PCSK6: variants seen among roughly 807,000 people sequenced by gnomAD.
PCSK6 encodes paired basic amino acid cleaving enzyme 4.
PCSK6 carries 85 observed loss-of-function variants against 123.3 expected under a neutral mutation model. That is an observed-to-expected ratio of 0.69 (90% CI 0.58 to 0.83). The LOEUF (loss-of-function observed/expected upper bound fraction) is 0.83. Ranked by LOEUF, PCSK6 falls within the 40% of genes least tolerant of loss-of-function variation. PCSK6 has a pLI of 0.00. For missense variants in PCSK6, 1,191 were observed against 1,282.3 expected, an observed-to-expected ratio of 0.93 and a Z score of 1.09; for synonymous variants, 508 against 516.0, an observed-to-expected ratio of 0.98 and a Z score of 0.21.
chr15:101,403,491 G>A (rs1272936376), intron 6 of PCSK6, among the ~76,000 whole-genome samples: 1 of 151,236 alleles, frequency 6.6e-6, no homozygotes, highest in Non-Finnish European at 1.5e-5. Context: ...TTTTCTTTTT[G>A]TTTTCTAAAA....
chr15:101,331,581 T>A, intron 15 of PCSK6, 70 bp downstream of exon 15: 1 of 1,428,626 alleles, frequency 7.0e-7, no homozygotes, highest in Admixed American at 1.8e-5. Flanking sequence ...CCCATTCTGG[T>A]TGGGCATATA....
chr15:101,479,433 G>C (rs916834489), intron 1 of PCSK6, among the ~76,000 whole-genome samples: 2 of 152,212 alleles, frequency 1.3e-5, no homozygotes, highest in African/African-American at 4.8e-5. Flanking sequence ...GAAATGGCCT[G>C]GAAGGGAGGC....
intron 11 of PCSK6, among the ~76,000 whole-genome samples, chr15:101,373,081 G>GA (rs71287806): frequency 0.081 from 12,160 of 149,564 alleles, 559 homozygotes; most frequent in East Asian, 0.23. Context: ...CGAACACCTA[G>GA]AAAAAAAAAA....
intron 13 of PCSK6, among the ~76,000 whole-genome samples, chr15:101,339,136 T>C (rs904504794): frequency 1.3e-4 from 20 of 152,242 alleles, no homozygotes; most frequent in Admixed American, 1.2e-3. Flanking sequence ...AAATTTACAA[T>C]TGGAGACAAA....
At chr15:101,342,021 T>C (rs1294545402) in intron 13 of PCSK6, among the ~76,000 whole-genome samples, 1 of 149,908 alleles carries the variant, frequency 6.7e-6, no homozygotes, top group Admixed American at 6.7e-5. Flanking sequence ...TCCCAGCTAC[T>C]TGGGAGGCTG....
intron 18 of PCSK6, among the ~76,000 whole-genome samples, chr15:101,320,084 T>C (rs541649247): frequency 2.0e-5 from 3 of 150,898 alleles, no homozygotes; most frequent in Non-Finnish European, 4.5e-5. Context: ...TATTTATTTA[T>C]TTATTATTTA....
At chr15:101,392,401 G>A (rs1210894978) in intron 8 of PCSK6, among the ~76,000 whole-genome samples, 1 of 152,206 alleles carries the variant, frequency 6.6e-6, no homozygotes, top group African/African-American at 2.4e-5. Flanking sequence ...ACAGAAAAGT[G>A]TAAAAATAAA....
At chr15:101,319,492 T>C (rs2040068171) in intron 18 of PCSK6, among the ~76,000 whole-genome samples, 1 of 152,250 alleles carries the variant, frequency 6.6e-6, no homozygotes, top group South Asian at 2.1e-4. Context: ...ATGTCTTTAA[T>C]AACTGATAGC....
intron 1 of PCSK6, among the ~76,000 whole-genome samples, chr15:101,473,854 G>A (rs192418907): frequency 4.6e-5 from 7 of 152,126 alleles, no homozygotes; most frequent in Non-Finnish European, 7.4e-5. Flanking sequence ...CACCCTGAGT[G>A]ACAGAGTGAG....
rs140570265 is a variant in PCSK6 at position 101,424,137 on chromosome 15, G to A, written c.823+3755C>T. ...GCAGTCCCAGATACTTGGGAGGCTC[G>A]GGTGGGAGGATCACTTGAGGCCAGG... On this transcript the variant is annotated intron_variant, in intron 6 of 21. Transcript: ENST00000611716. Among the ~76,000 whole-genome samples, 267 of 151,610 alleles carry A rather than the reference G, an allele frequency of 1.8e-3. 1 individual carries two copies. The highest frequency in any genetic ancestry group is 5.8e-3 in the African/African-American group (239 of 41,330).
At position 101,331,865 on chromosome 15, in the gene PCSK6, C is replaced by T. The variant is rs936191740; in HGVS notation, c.2025G>A (p.Glu675=). The T allele has an allele frequency of 6.2e-7, 1 of 1,612,712 alleles. No homozygotes were observed. The highest frequency in any genetic ancestry group is 8.5e-7 in the Non-Finnish European group (1 of 1,179,136). Residue 675 remains glutamate, a synonymous_variant, in exon 14 of 22, where the codon GAG becomes GAA. Coordinates refer to ENST00000611716, the MANE Select transcript of PCSK6 (RefSeq NM_002570.5). ...SPSQVEVPED[E]EDYTAQSTPG... ...CAGGCTCATTACCTGTGTAATCTTC[C>T]TCATCTTCAGGAACTTCCACCTGGG...
intron 13 of PCSK6, among the ~76,000 whole-genome samples, chr15:101,357,048 G>C (rs1471476389): frequency 1.3e-5 from 2 of 152,178 alleles, no homozygotes; most frequent in African/African-American, 2.4e-5. Flanking sequence ...CTTTTACACA[G>C]AACACCATTG....
At chr15:101,476,586 T>C (rs905826201) in intron 1 of PCSK6, among the ~76,000 whole-genome samples, 1 of 149,320 alleles carries the variant, frequency 6.7e-6, no homozygotes, top group African/African-American at 2.5e-5. Flanking sequence ...ACAACAAAAA[T>C]TCTTTTTGTG....
At chr15:101,444,986 C>T (rs578004864) in intron 1 of PCSK6, among the ~76,000 whole-genome samples, 86 of 152,348 alleles carry the variant, frequency 5.6e-4, no homozygotes, top group African/African-American at 2.0e-3. Context: ...TTGCTGTCTC[C>T]TGTTCGTGGG....
At chr15:101,352,648 G>A (rs2040925429) in intron 13 of PCSK6, among the ~76,000 whole-genome samples, 1 of 152,124 alleles carries the variant, frequency 6.6e-6, no homozygotes, top group South Asian at 2.1e-4. Context: ...GTCTATTCCA[G>A]CACCAGTGCC....
At chr15:101,362,861 C>T (rs2041274409) in intron 13 of PCSK6, among the ~76,000 whole-genome samples, 1 of 152,232 alleles carries the variant, frequency 6.6e-6, no homozygotes, top group South Asian at 2.1e-4. Context: ...CCCTGTGGTC[C>T]CCAGAGAGGG....
chr15:101,342,129 CAAA>C (rs35083182), intron 13 of PCSK6, among the ~76,000 whole-genome samples: 133 of 51,506 alleles, frequency 2.6e-3, no homozygotes, highest in East Asian at 0.025. Flanking sequence ...GACCCTGTCT[CAAA>C]AAAAAAAAAA....
chr15:101,401,714 C>T (rs563860095), intron 6 of PCSK6, among the ~76,000 whole-genome samples: 19 of 152,232 alleles, frequency 1.2e-4, no homozygotes, highest in Admixed American at 3.3e-4. Flanking sequence ...TCGGATGATC[C>T]GTGTAAAGGG....
chr15:101,485,686 T>C (rs1241633051), intron 1 of PCSK6, among the ~76,000 whole-genome samples: 1 of 152,200 alleles, frequency 6.6e-6, no homozygotes, highest in Non-Finnish European at 1.5e-5. Context: ...CACATACAAG[T>C]TCCCACACAT....
Sources: allele counts gnomAD v4.1 joint callset (sites outside exome capture counted in the v4.1 genomes callset), GRCh38; gene constraint gnomAD v4.1.1; transcripts MANE v1.5; gene names NCBI Gene and HGNC (gene_info 2026-07-23, HGNC 2026-07-21).